The following HSD17B4 variants were observed in gnomAD, a reference collection of about 807,000 sequenced individuals.
HSD17B4 encodes the protein peroxisomal multifunctional enzyme type 2.
Under a neutral mutation model 101.0 loss-of-function variants are expected in HSD17B4, and 70 were observed. The ratio of observed to expected loss-of-function variants is 0.69; its 90% confidence interval spans 0.57 to 0.85. HSD17B4 has a LOEUF of 0.85. HSD17B4 is among the 40% of genes least tolerant of loss of function. The probability of loss-of-function intolerance (pLI) is 0.00; values close to 1 mark genes in which losing one functional copy is unlikely to be tolerated. For missense variants in HSD17B4, 984 were observed against 892.4 expected (o/e 1.10, Z -1.31); for synonymous variants, 347 against 297.1 (o/e 1.17, Z -1.73).
At chr5:119,494,174 G>A (rs148772186) in intron 11 of HSD17B4, among the ~76,000 whole-genome samples, 1 of 152,110 alleles carries the variant, frequency 6.6e-6, no homozygotes, top group East Asian at 1.9e-4. Flanking sequence ...TTGGGTTTAT[G>A]TGTGATTGGG....
chr5:119,510,488 T>A (rs1752071892), intron 16 of HSD17B4, among the ~76,000 whole-genome samples: 1 of 152,246 alleles, frequency 6.6e-6, no homozygotes, highest in Admixed American at 6.5e-5. Context: ...AATATTCTTC[T>A]GTAGTAAATA....
chr5:119,475,707 T>C lies in HSD17B4; in HGVS notation c.282T>C (p.Asp94=). ...AACTTGTATCTTTTTATATTGTAGA[T>C]GTTGTGGTCAACAATGCTGGGTGAG... ...KTALDAFGRI[D]VVVNNAGILR... The change falls in exon 5 of 24, where the codon GAT becomes GAC. Residue 94 remains aspartate (D), a splice_region_variant and synonymous_variant. Transcript: ENST00000510025. 6.3e-7 allele frequency: 1 copy of C among 1,594,482 alleles called. No individual in the cohort carries two copies. The highest frequency in any genetic ancestry group is 2.1e-4 in the Middle Eastern group (1 of 4,728).
intron 6 of HSD17B4, 124 bp from the exon 7 acceptor site, chr5:119,477,290 CAGT>C (rs1224257151): frequency 5.8e-6 from 4 of 689,344 alleles, no homozygotes; most frequent in African/African-American, 1.8e-5. Context: ...TGGGGTGTGA[CAGT>C]AGGCAATTTT....
intron 17 of HSD17B4, 151 bp downstream of exon 17, chr5:119,515,197 G>A: frequency 1.8e-6 from 1 of 561,574 alleles, no homozygotes; most frequent in Non-Finnish European, 3.2e-6. Context: ...TGTTTCCTGT[G>A]ATTGCACGTT....
intron 11 of HSD17B4, 102 bp downstream of exon 11, chr5:119,494,048 A>G: frequency 8.5e-7 from 1 of 1,173,950 alleles, no homozygotes; most frequent in Non-Finnish European, 1.3e-6. Flanking sequence ...TAGTGTTAAG[A>G]CACTTGAATC....
intron 14 of HSD17B4, among the ~76,000 whole-genome samples, chr5:119,503,195 C>T (rs545660981): frequency 6.6e-6 from 1 of 150,944 alleles, no homozygotes; most frequent in African/African-American, 2.4e-5. Flanking sequence ...TCATATGTAC[C>T]CAGCCCTATG....
At chr5:119,517,959 T>A (rs1752785696) in intron 17 of HSD17B4, among the ~76,000 whole-genome samples, 1 of 152,152 alleles carries the variant, frequency 6.6e-6, no homozygotes, top group African/African-American at 2.4e-5. Context: ...GTGGAGAACC[T>A]TTATGTCTAG....
intron 2 of HSD17B4, among the ~76,000 whole-genome samples, chr5:119,468,727 C>G (rs768839657): frequency 6.6e-5 from 10 of 151,822 alleles, no homozygotes; most frequent in Non-Finnish European, 8.8e-5. Flanking sequence ...CTGTAACTCT[C>G]AATATGTAAA....
intron 15 of HSD17B4, among the ~76,000 whole-genome samples, chr5:119,508,612 TATTA>T (rs923480060): frequency 2.0e-5 from 3 of 152,224 alleles, no homozygotes; most frequent in African/African-American, 7.2e-5. Context: ...TTCACTGATT[TATTA>T]ATTAATAAAC....
At position 119,502,741 on chromosome 5, in the gene HSD17B4, G is replaced by A. The variant is rs559170614; in HGVS notation, c.1261+649G>A. ...TTTCATGTTATACAATGTAGAGGTC[G>A]GCAAGTAGCTAGAATCCTACTTGAA... On this transcript the variant is annotated intron_variant, in intron 14 of 23. Transcript: ENST00000510025. 3.4e-4 allele frequency among the ~76,000 whole-genome samples: 51 copies of A among 152,100 alleles called. No individual in the cohort carries two copies. In the South Asian group the frequency reaches 8.3e-3, roughly 25 times the overall value.
At chr5:119,485,882 T>C (rs1441903006) in intron 8 of HSD17B4, among the ~76,000 whole-genome samples, 3 of 152,214 alleles carry the variant, frequency 2.0e-5, no homozygotes, top group Admixed American at 2.0e-4. Context: ...AGCAAACATT[T>C]ATTATCTCAC....
intron 21 of HSD17B4, among the ~76,000 whole-genome samples, chr5:119,530,845 CA>C (rs11423247): frequency 3.0e-4 from 17 of 56,344 alleles, no homozygotes; most frequent in South Asian, 1.6e-3. Flanking sequence ...AAGTCTGTCT[CA>C]AAAAAAAAAA....
intron 23 of HSD17B4, among the ~76,000 whole-genome samples, chr5:119,537,889 T>A (rs1442452539): frequency 6.6e-6 from 1 of 152,190 alleles, no homozygotes; most frequent in East Asian, 1.9e-4. Context: ...GGGGAACTAT[T>A]TTAAATAGGT....
At chr5:119,468,149 T>C (rs1755999728) in intron 2 of HSD17B4, among the ~76,000 whole-genome samples, 1 of 152,160 alleles carries the variant, frequency 6.6e-6, no homozygotes. Context: ...GGTGGTTTTT[T>C]TGTAGTGATG....
intron 9 of HSD17B4, among the ~76,000 whole-genome samples, chr5:119,490,885 C>T (rs1750042939): frequency 6.6e-6 from 1 of 152,108 alleles, no homozygotes; most frequent in South Asian, 2.1e-4. Flanking sequence ...GCGTTTTATA[C>T]ACCCAAACAC....
At chr5:119,455,542 TTC>T (rs200829499) in intron 1 of HSD17B4, among the ~76,000 whole-genome samples, 6,895 of 139,190 alleles carry the variant, frequency 0.05, 510 homozygotes, top group East Asian at 0.34. Context: ...AAGCAAAACT[TTC>T]TCTCTCTCTC....
chr5:119,467,801 G>T (rs1755962006), intron 2 of HSD17B4, among the ~76,000 whole-genome samples: 1 of 152,164 alleles, frequency 6.6e-6, no homozygotes, highest in Admixed American at 6.5e-5. Flanking sequence ...TGATGCACGT[G>T]GAGTGTCCTG....
At chr5:119,526,054 T>G in intron 19 of HSD17B4, 31 bp downstream of exon 19, 1 of 1,157,836 alleles carries the variant, frequency 8.6e-7, no homozygotes, top group Non-Finnish European at 1.3e-6. Context: ...AATTTGAATA[T>G]TACTTCCTTT....
intron 11 of HSD17B4, among the ~76,000 whole-genome samples, chr5:119,494,947 G>T (rs919313241): frequency 3.9e-5 from 6 of 151,996 alleles, no homozygotes; most frequent in Non-Finnish European, 5.9e-5. Context: ...AAGATCATGA[G>T]TCAGGGTCAT....
Sources: allele counts gnomAD v4.1 joint callset (sites outside exome capture counted in the v4.1 genomes callset), GRCh38; gene constraint gnomAD v4.1.1; transcripts MANE v1.5; gene names NCBI Gene and HGNC (gene_info 2026-07-23, HGNC 2026-07-21).